The following ADAMTS17 variants were observed in gnomAD, a reference collection of about 807,000 sequenced individuals.
ADAMTS17 encodes the protein A disintegrin and metalloproteinase with thrombospondin motifs 17.
In ADAMTS17, 113 loss-of-function variants were observed where a neutral mutation model predicts 141.5. The observed-to-expected ratio is 0.80, with a 90% CI of 0.69 to 0.93. The LOEUF is 0.93. ADAMTS17 is among the 40% of genes least tolerant of loss of function. The pLI is 0.00. For missense variants in ADAMTS17, 1,659 were observed against 1,517.9 expected, an observed-to-expected ratio of 1.09 and a Z score of -1.54; for synonymous variants, 768 against 630.6, an observed-to-expected ratio of 1.22 and a Z score of -3.27.
At chr15:100,098,971 A>C (rs1275817278) in intron 14 of ADAMTS17, among the ~76,000 whole-genome samples, 1 of 152,112 alleles carries the variant, frequency 6.6e-6, no homozygotes, top group Non-Finnish European at 1.5e-5. Context: ...TAATTTTCAA[A>C]CCACACCCTT....
intron 20 of ADAMTS17, among the ~76,000 whole-genome samples, chr15:99,983,309 T>C (rs2141292460): frequency 6.6e-6 from 1 of 152,166 alleles, no homozygotes; most frequent in African/African-American, 2.4e-5. Flanking sequence ...CTGCTGGGGA[T>C]GCGGCGCCAC....
At chr15:100,063,802 T>C (rs760368206) in intron 15 of ADAMTS17, 2 of 1,260,874 alleles carry the variant, frequency 1.6e-6, no homozygotes, top group Admixed American at 2.3e-5. Flanking sequence ...ACCTCCACCC[T>C]GCACCAGAGG....
At chr15:100,003,928 C>A (rs185615965) in intron 18 of ADAMTS17, among the ~76,000 whole-genome samples, 25 of 152,286 alleles carry the variant, frequency 1.6e-4, no homozygotes, top group African/African-American at 5.3e-4. Flanking sequence ...TAGAAAAGTT[C>A]TGTGTTTGGA....
chr15:100,310,040 C>T (rs534424331), intron 3 of ADAMTS17, among the ~76,000 whole-genome samples: 2 of 152,322 alleles, frequency 1.3e-5, no homozygotes, highest in East Asian at 1.9e-4. Context: ...ACAGCCGAGC[C>T]GTCCTCGAGG....
At position 100,150,051 on chromosome 15, in the gene ADAMTS17, T is replaced by C. The variant is rs570959942; in HGVS notation, c.1473+2561A>G. Among the ~76,000 whole-genome samples the C allele has an allele frequency of 9.1e-4, 139 of 152,308 alleles. 2 individuals carry two copies. The highest frequency in any genetic ancestry group is 3.2e-3 in the African/African-American group (132 of 41,576). ...TAGTTATTGGAGAGGAAAAAACACA[T>C]TTATTTTATTGCTGGTGAAACTCTC... On this transcript the variant is annotated intron_variant, in intron 10 of 21. Coordinates refer to ENST00000268070, the MANE Select transcript of ADAMTS17 (RefSeq NM_139057.4).
Position 100,135,344 on chromosome 15 carries a change from C to T in ADAMTS17, c.1474-2029G>A, listed in dbSNP as rs182085041. On this transcript the variant is annotated intron_variant, in intron 10 of 21. Transcript: ENST00000268070. ...TGTCGCCCAGGCTGGAGTGCAGTAGCGTGATCTCGGCTCACTGCAAGCTCC... is the reference window on the plus strand; with the variant it reads ...TGTCGCCCAGGCTGGAGTGCAGTAGTGTGATCTCGGCTCACTGCAAGCTCC... 4.6e-3 allele frequency among the ~76,000 whole-genome samples: 694 copies of T among 150,838 alleles called. 24 individuals are homozygous for T. The highest frequency in any genetic ancestry group is 7.7e-4 in the Non-Finnish European group (52 of 67,852).
At chr15:100,025,134 G>A (rs1303202190) in intron 18 of ADAMTS17, among the ~76,000 whole-genome samples, 3 of 152,120 alleles carry the variant, frequency 2.0e-5, no homozygotes, top group African/African-American at 7.2e-5. Flanking sequence ...AATGGCTGCT[G>A]TGTTATTTGA....
chr15:100,011,772 CCA>C (rs1044577670), intron 18 of ADAMTS17, among the ~76,000 whole-genome samples: 1 of 152,196 alleles, frequency 6.6e-6, no homozygotes, highest in African/African-American at 2.4e-5. Flanking sequence ...TATAAATATA[CCA>C]CAGTCTCTTT....
chr15:100,288,711 G>C (rs1297370354), intron 3 of ADAMTS17, among the ~76,000 whole-genome samples: 2 of 152,190 alleles, frequency 1.3e-5, no homozygotes, highest in East Asian at 3.9e-4. Flanking sequence ...ATACTAAGAA[G>C]ATCACTCAAA....
chr15:100,171,162 G>C (rs1281757738), intron 8 of ADAMTS17, among the ~76,000 whole-genome samples: 2 of 152,148 alleles, frequency 1.3e-5, no homozygotes, highest in African/African-American at 2.4e-5. Context: ...CTGCAGTTGA[G>C]AGAGCCTGCT....
chr15:100,071,616 A>G (rs925132387), intron 15 of ADAMTS17, among the ~76,000 whole-genome samples: 1 of 150,430 alleles, frequency 6.6e-6, no homozygotes, highest in African/African-American at 2.5e-5. Flanking sequence ...ATGCAAATCA[A>G]TAAACGTAAT....
intron 17 of ADAMTS17, among the ~76,000 whole-genome samples, chr15:100,051,016 G>C (rs2032094888): frequency 6.6e-6 from 1 of 152,238 alleles, no homozygotes; most frequent in Admixed American, 6.5e-5. Context: ...GTGCATGAGA[G>C]ACAACCATCC....
At chr15:100,275,915 G>A (rs2044065067) in intron 4 of ADAMTS17, among the ~76,000 whole-genome samples, 1 of 145,104 alleles carries the variant, frequency 6.9e-6, no homozygotes, top group African/African-American at 2.6e-5. Context: ...AGTCTGCCCT[G>A]GGGACAGGGT....
intron 8 of ADAMTS17, among the ~76,000 whole-genome samples, chr15:100,156,137 C>T (rs1420504054): frequency 1.3e-5 from 2 of 152,178 alleles, no homozygotes; most frequent in African/African-American, 4.8e-5. Context: ...AGGTAACGGA[C>T]CACAAGGAAA....
At chr15:100,091,492 T>G (rs2035468311) in intron 15 of ADAMTS17, among the ~76,000 whole-genome samples, 1 of 152,202 alleles carries the variant, frequency 6.6e-6, no homozygotes, top group Non-Finnish European at 1.5e-5. Context: ...ATTTCTGCCC[T>G]AAGGACCAGC....
chr15:100,307,081 G>A (rs2045250722), intron 3 of ADAMTS17, among the ~76,000 whole-genome samples: 1 of 152,140 alleles, frequency 6.6e-6, no homozygotes, highest in Non-Finnish European at 1.5e-5. Flanking sequence ...AAATTATCTA[G>A]GCCACCTAAG....
intron 10 of ADAMTS17, among the ~76,000 whole-genome samples, chr15:100,135,260 G>C (rs1358342408): frequency 1.3e-5 from 2 of 151,276 alleles, no homozygotes; most frequent in Non-Finnish European, 2.9e-5. Context: ...GAAAACTAAT[G>C]AATTACACCA....
intron 18 of ADAMTS17, among the ~76,000 whole-genome samples, chr15:100,008,024 G>A (rs184506466): frequency 9.3e-4 from 142 of 152,226 alleles, no homozygotes; most frequent in African/African-American, 3.0e-3. Context: ...TGTAGTGCTG[G>A]GGCCTGAAAG....
chr15:100,184,796 T>C (rs548080685), intron 8 of ADAMTS17, among the ~76,000 whole-genome samples: 1 of 152,232 alleles, frequency 6.6e-6, no homozygotes, highest in Admixed American at 6.5e-5. Context: ...TAGCCCCCTG[T>C]CACAGCCCCT....
Sources: gnomAD v4.1 joint callset for allele counts (sites outside exome capture counted in the v4.1 genomes callset) on GRCh38, gnomAD v4.1.1 for gene constraint, MANE v1.5 for transcripts, NCBI Gene and HGNC (gene_info 2026-07-23, HGNC 2026-07-21) for gene names.